Variants in NUSAP1 observed in about 807,000 individuals in gnomAD.
The protein encoded by NUSAP1 is nucleolar and spindle-associated protein 1.
A neutral mutation model predicts 52.8 loss-of-function variants in NUSAP1; 32 were observed. The observed-to-expected ratio is 0.61, with a 90% confidence interval of 0.46 to 0.81. The LOEUF is 0.81. Among genes scored for constraint, NUSAP1 ranks in the 40% least tolerant of loss-of-function variants. NUSAP1 has a pLI of 0.00. For synonymous variants in NUSAP1, 195 were observed against 183.1 expected (o/e 1.06, Z -0.52); for missense variants, 499 against 522.3 (o/e 0.96, Z 0.43).
chr15:41,369,493 A>T (rs930937558), intron 7 of NUSAP1, among the ~76,000 whole-genome samples: 11 of 152,070 alleles, frequency 7.2e-5, no homozygotes, highest in Non-Finnish European at 1.2e-4. Flanking sequence ...TACTAAAAAT[A>T]CAAAATTATC....
Position 41,368,468 on chromosome 15 carries a change from C to T in NUSAP1, c.848+2879C>T, listed in dbSNP as rs1370863542. Among the ~76,000 whole-genome samples the T allele has an allele frequency of 2.0e-5, 3 of 152,130 alleles. No homozygotes were observed. The South Asian group carries it at 6.2e-4, about 32-fold the overall frequency. ...TTAACTCTTCCTCAAATACCAATATCGTAACCTAGTGGGAACTACAGTATC... is the reference window on the plus strand; with the variant it reads ...TTAACTCTTCCTCAAATACCAATATTGTAACCTAGTGGGAACTACAGTATC... On this transcript the variant is annotated intron_variant, in intron 7 of 10. Transcript: ENST00000559596.
intron 1 of NUSAP1, among the ~76,000 whole-genome samples, chr15:41,339,867 C>T (rs915084984): frequency 2.6e-5 from 4 of 152,048 alleles, no homozygotes; most frequent in Admixed American, 2.6e-4. Flanking sequence ...CTGCAACCTC[C>T]ACCTCCCAGG....
At chr15:41,338,161 C>A (rs2048235639) in intron 1 of NUSAP1, among the ~76,000 whole-genome samples, 2 of 151,926 alleles carry the variant, frequency 1.3e-5, no homozygotes, top group African/African-American at 4.8e-5. Flanking sequence ...TTTCAAACTC[C>A]TGACCTCAAG....
At chr15:41,354,247 T>C (rs966350804) in intron 4 of NUSAP1, among the ~76,000 whole-genome samples, 7 of 152,142 alleles carry the variant, frequency 4.6e-5, no homozygotes, top group Non-Finnish European at 1.5e-5. Flanking sequence ...TGGCTTACGC[T>C]TGTAATCCTA....
At chr15:41,336,106 A>G (rs1351691421) in intron 1 of NUSAP1, among the ~76,000 whole-genome samples, 3 of 151,038 alleles carry the variant, frequency 2.0e-5, no homozygotes, top group Non-Finnish European at 4.4e-5. Context: ...CTAAAAATAC[A>G]AAATTTAGCC....
chr15:41,356,692 G>A (rs897312834), intron 5 of NUSAP1, among the ~76,000 whole-genome samples: 3 of 152,104 alleles, frequency 2.0e-5, no homozygotes, highest in African/African-American at 7.2e-5. Flanking sequence ...TACATAAATT[G>A]AGAATACTTT....
In NUSAP1 at chr15:41,371,714, G is replaced by T. The variant is rs146334992; in HGVS notation, c.1006+30G>T. The T allele has an allele frequency of 3.0e-4, 463 of 1,561,956 alleles. 1 individual carries two copies. In the African/African-American group the frequency reaches 6.0e-3, roughly 20 times the overall value. On this transcript the variant is annotated intron_variant, in intron 8 of 10. Coordinates refer to ENST00000559596, the MANE Select transcript of NUSAP1 (RefSeq NM_016359.5). ...AAAAAAAAAAAAACAAAAGAAATCT[G>T]TTTCATTTTTAAGCCATGTAACTTC...
intron 4 of NUSAP1, among the ~76,000 whole-genome samples, chr15:41,354,669 C>T (rs1042072836): frequency 1.1e-4 from 9 of 78,554 alleles, no homozygotes; most frequent in African/African-American, 5.8e-4. Context: ...TTGTTTTAAC[C>T]GATATATATA....
intron 8 of NUSAP1, among the ~76,000 whole-genome samples, chr15:41,371,934 C>T (rs1453721130): frequency 6.6e-6 from 1 of 151,908 alleles, no homozygotes; most frequent in African/African-American, 2.4e-5. Context: ...CCATGCCCGG[C>T]TAATTTTGTA....
intron 8 of NUSAP1, among the ~76,000 whole-genome samples, chr15:41,372,008 T>C (rs2049718354): frequency 6.6e-6 from 1 of 152,050 alleles, no homozygotes. Flanking sequence ...CCTCAGGTGA[T>C]CCGCCCGCCT....
chr15:41,371,322 C>T (rs1167288347), intron 7 of NUSAP1, among the ~76,000 whole-genome samples: 1 of 152,186 alleles, frequency 6.6e-6, no homozygotes, highest in African/African-American at 2.4e-5. Context: ...ACATATTTTA[C>T]AAATAATGTT....
rs142623873 is a variant in NUSAP1, at chr15:41,335,713, A to G, written c.93+2663A>G. Among the ~76,000 whole-genome samples the G allele has an allele frequency of 1.8e-3, 259 of 143,214 alleles. 1 individual carries two copies. The highest frequency in any genetic ancestry group is 6.2e-3 in the African/African-American group (246 of 39,410). The allele number at this position is 143,214 out of a possible 152,430, so 94.0% of individuals were successfully genotyped here. On this transcript the variant is annotated intron_variant, in intron 1 of 10. Transcript: ENST00000559596. ...TAGTATGTATGTTTAGTATAAATAT[A>G]CTAAATATACTATATTTATACCGGT...
intron 7 of NUSAP1, among the ~76,000 whole-genome samples, chr15:41,371,094 CAAAT>C (rs760410232): frequency 2.0e-5 from 3 of 152,282 alleles, no homozygotes; most frequent in East Asian, 3.9e-4. Flanking sequence ...CTCTACCACA[CAAAT>C]GAATGACATT....
chr15:41,377,690 C>T (rs1283306405), intron 10 of NUSAP1, among the ~76,000 whole-genome samples: 2 of 128,938 alleles, frequency 1.6e-5, no homozygotes, highest in East Asian at 2.4e-4. Flanking sequence ...CAGAGCCAGG[C>T]GCCGTCTCAA....
chr15:41,359,130 A>G (rs1348335713), intron 6 of NUSAP1, among the ~76,000 whole-genome samples: 1 of 152,148 alleles, frequency 6.6e-6, no homozygotes, highest in African/African-American at 2.4e-5. Context: ...TTAAATATTT[A>G]TGGATTTATG....
intron 6 of NUSAP1, among the ~76,000 whole-genome samples, chr15:41,359,779 C>G (rs1236274125): frequency 6.6e-6 from 1 of 151,752 alleles, no homozygotes; most frequent in East Asian, 1.9e-4. Context: ...ATTACAGGCG[C>G]CCACCACCAC....
At chr15:41,361,591 A>AT (rs1320243846) in intron 6 of NUSAP1, among the ~76,000 whole-genome samples, 1 of 152,140 alleles carries the variant, frequency 6.6e-6, no homozygotes. Flanking sequence ...TGCTTTCTAT[A>AT]TTTTGTAATA....
chr15:41,354,189 A>G (rs1259426325), intron 4 of NUSAP1, among the ~76,000 whole-genome samples: 2 of 152,130 alleles, frequency 1.3e-5, no homozygotes, highest in Non-Finnish European at 1.5e-5. Flanking sequence ...CAGCTGGGCA[A>G]CGTAGTGAGA....
chr15:41,346,051 A>C (rs182493267), intron 2 of NUSAP1, among the ~76,000 whole-genome samples: 2 of 147,306 alleles, frequency 1.4e-5, no homozygotes, highest in Non-Finnish European at 3.0e-5. Flanking sequence ...TTTTTTTGAG[A>C]TGGAGTCTTG....
Sources: gnomAD v4.1 joint callset for allele counts (sites outside exome capture counted in the v4.1 genomes callset) on GRCh38, gnomAD v4.1.1 for gene constraint, MANE v1.5 for transcripts, NCBI Gene and HGNC (gene_info 2026-07-23, HGNC 2026-07-21) for gene names.